Variants in PKD2L1 observed in about 807,000 individuals in gnomAD.
PKD2L1 encodes the protein polycystin 2 like 1, transient receptor potential cation channel.
A neutral mutation model predicts 93.0 loss-of-function variants in PKD2L1; 77 were observed. The ratio of observed to expected loss-of-function variants is 0.83; its 90% CI spans 0.69 to 1.00. PKD2L1 has a LOEUF of 1.00. Ranked by LOEUF, PKD2L1 falls within the 50% of genes least tolerant of loss-of-function variation. PKD2L1 has a pLI of 0.00. For synonymous variants in PKD2L1, 390 were observed against 388.0 expected (o/e 1.01, Z -0.06); for missense variants, 977 against 990.9 (o/e 0.99, Z 0.19).
intron 2 of PKD2L1, among the ~76,000 whole-genome samples, chr10:100,323,092 T>C (rs765064619): frequency 3.3e-5 from 5 of 152,160 alleles, no homozygotes; most frequent in African/African-American, 7.2e-5. Context: ...ATGGTGGTGG[T>C]GGCGGTTGTG....
chr10:100,312,758 T>C (rs1011901502), intron 2 of PKD2L1, among the ~76,000 whole-genome samples: 2 of 152,022 alleles, frequency 1.3e-5, no homozygotes, highest in African/African-American at 2.4e-5. Flanking sequence ...TAAATTCTCA[T>C]GTGGTTTCAG....
intron 2 of PKD2L1, among the ~76,000 whole-genome samples, chr10:100,322,723 T>C (rs2133572057): frequency 6.6e-6 from 1 of 152,334 alleles, no homozygotes; most frequent in East Asian, 1.9e-4. Context: ...TCTGCTTCTA[T>C]TAGGGTAGGG....
chr10:100,317,858 A>G (rs368915742), intron 2 of PKD2L1, among the ~76,000 whole-genome samples: 1 of 152,242 alleles, frequency 6.6e-6, no homozygotes, highest in African/African-American at 2.4e-5. Context: ...AGGTGGGCAG[A>G]TCACCTGAGA....
intron 2 of PKD2L1, among the ~76,000 whole-genome samples, chr10:100,326,998 T>C (rs1281523877): frequency 6.6e-6 from 1 of 152,188 alleles, no homozygotes; most frequent in Admixed American, 6.5e-5. Flanking sequence ...TGAAAGGTTG[T>C]CACTTCAGAG....
intron 2 of PKD2L1, among the ~76,000 whole-genome samples, chr10:100,321,683 GA>G (rs1181444648): frequency 1.2e-3 from 1 of 814 alleles, no homozygotes; most frequent in East Asian, 0.019. Flanking sequence ...AAGAAAGAAA[GA>G]AAGAAAGAAA....
At chr10:100,289,129 A>T in intron 14 of PKD2L1, 73 bp from the exon 15 acceptor site, 3 of 1,099,404 alleles carry the variant, frequency 2.7e-6, no homozygotes, top group Non-Finnish European at 4.1e-6. Context: ...TCTCTATCTG[A>T]TTCCAGAGAA....
In PKD2L1 at chr10:100,298,730, A is replaced by G. The variant is rs1283087187; in HGVS notation, c.563T>C (p.Ile188Thr). The G allele has an allele frequency of 1.9e-6, 3 of 1,614,022 alleles. No individual in the cohort carries two copies. The highest frequency in any genetic ancestry group is 2.5e-6 in the Non-Finnish European group (3 of 1,180,008). The stretch of plus-strand genomic sequence containing the variant: ...CCCCAGCAGCATGTTCTCATAGTAG[A>G]TGAAGGAGTGGGAGCCATGGCCCAG... ...QSLGHGSHSF[I>T]YYENMLLGVP... Residue 188 changes from isoleucine (I) to threonine (T), a missense_variant, in exon 4 of 16, where the codon ATC becomes ACC. Ile to Thr is a moderately conservative substitution (Grantham distance 89, BLOSUM62 -1). Transcript: ENST00000318222.
At position 100,306,707 on chromosome 10, in the gene PKD2L1, A is replaced by C. The variant is rs112366440; in HGVS notation, c.350-6989T>G. On this transcript the variant is annotated intron_variant, in intron 2 of 15. Transcript: ENST00000318222. ...GAAACTCTTTCTCTGCTGAAAATACAAAAATTGGGTGTGTTGGCACACACC... is the reference window on the plus strand; with the variant it reads ...GAAACTCTTTCTCTGCTGAAAATACCAAAATTGGGTGTGTTGGCACACACC... 7.6e-3 allele frequency among the ~76,000 whole-genome samples: 1,159 copies of C among 151,876 alleles called. 17 individuals carry two copies. The highest frequency in any genetic ancestry group is 0.037 in the Middle Eastern group (11 of 294).
intron 2 of PKD2L1, among the ~76,000 whole-genome samples, chr10:100,314,985 A>AAG (rs1849045819): frequency 1.2e-4 from 1 of 8,518 alleles, no homozygotes; most frequent in Non-Finnish European, 2.3e-4. Flanking sequence ...GAAGGAAGGA[A>AAG]GGAAGGAAGG....
chr10:100,328,622 T>A (rs1468834098), intron 2 of PKD2L1, among the ~76,000 whole-genome samples: 1 of 144,570 alleles, frequency 6.9e-6, no homozygotes, highest in South Asian at 2.2e-4. Context: ...AGAGACAGAG[T>A]CTTGCTCTGT....
At chr10:100,319,101 C>G (rs1333680630) in intron 2 of PKD2L1, among the ~76,000 whole-genome samples, 6 of 152,208 alleles carry the variant, frequency 3.9e-5, no homozygotes. Context: ...CTGCCTCAGC[C>G]TCCCAAAGTT....
intron 2 of PKD2L1, among the ~76,000 whole-genome samples, chr10:100,311,213 G>A (rs1386064474): frequency 6.6e-6 from 1 of 152,114 alleles, no homozygotes; most frequent in Admixed American, 6.5e-5. Context: ...TGGCCACTAG[G>A]AACCTCAGGC....
chr10:100,288,622 T>C (rs1057137964), intron 15 of PKD2L1, 144 bp from the exon 16 acceptor site: 11 of 626,506 alleles, frequency 1.8e-5, no homozygotes, highest in Middle Eastern at 2.6e-4. Context: ...AGACCATGGC[T>C]ATCCAGGTGC....
chr10:100,297,242 G>A (rs775431003), intron 5 of PKD2L1, 34 bp from the exon 6 acceptor site: 3 of 1,596,094 alleles, frequency 1.9e-6, no homozygotes, highest in Non-Finnish European at 2.6e-6. Context: ...CTCCAGTGGA[G>A]CCTTCGCTGG....
Position 100,288,352 on chromosome 10 carries a change from T to C in PKD2L1, c.*44A>G. The C allele has an allele frequency of 7.8e-7, 1 of 1,287,344 alleles. No homozygotes were observed. Among genetic ancestry groups the C allele is most frequent in the African/African-American group, 1.5e-5 (1 of 68,532 alleles). 79.7% of individuals were successfully genotyped at this position (1,287,344 alleles called of 1,614,324 possible). On this transcript the variant is annotated 3_prime_UTR_variant, in exon 16 of 16. Coordinates refer to ENST00000318222, the MANE Select transcript of PKD2L1 (RefSeq NM_016112.3). ...TTCAGTGGACCAGGAGGCAGCCTCT[T>C]GCAGAAGATCCTTCATAGACTTTGC...
chr10:100,300,857 T>C (rs1848658473), intron 2 of PKD2L1, among the ~76,000 whole-genome samples: 2 of 152,194 alleles, frequency 1.3e-5, no homozygotes, highest in Non-Finnish European at 2.9e-5. Flanking sequence ...AATGGTGATT[T>C]TTTTTTTCAC....
intron 12 of PKD2L1, 54 bp downstream of exon 12, chr10:100,291,247 G>A: frequency 6.4e-7 from 1 of 1,571,190 alleles, no homozygotes; most frequent in Non-Finnish European, 8.7e-7. Flanking sequence ...GTTGGGGGAA[G>A]GAGAGGGTGA....
chr10:100,311,808 A>G lies in PKD2L1; in HGVS notation c.350-12090T>C, dbSNP rs534844331. 3.9e-5 allele frequency among the ~76,000 whole-genome samples: 6 copies of G among 152,336 alleles called. No homozygotes were observed. In the South Asian group the frequency reaches 1.2e-3, roughly 32 times the overall value. ...GGGGTGCGTCTGCCAGTAAGTGTACATAGTTCCTTTACATGTCTATACTAG... is the reference window on the plus strand; with the variant it reads ...GGGGTGCGTCTGCCAGTAAGTGTACGTAGTTCCTTTACATGTCTATACTAG... On this transcript the variant is annotated intron_variant, in intron 2 of 15. Coordinates refer to ENST00000318222, the MANE Select transcript of PKD2L1 (RefSeq NM_016112.3).
chr10:100,301,921 C>T (rs757588010), intron 2 of PKD2L1, among the ~76,000 whole-genome samples: 20 of 152,284 alleles, frequency 1.3e-4, no homozygotes, highest in Admixed American at 6.5e-4. Flanking sequence ...CGCAACACTC[C>T]GCCTCCTGGA....
Sources: gnomAD v4.1 joint callset for allele counts (sites outside exome capture counted in the v4.1 genomes callset) on GRCh38, gnomAD v4.1.1 for gene constraint, MANE v1.5 for transcripts, NCBI Gene and HGNC (gene_info 2026-07-23, HGNC 2026-07-21) for gene names.